The following MOBP variants were observed in gnomAD, a reference collection of about 807,000 sequenced individuals.
The protein encoded by MOBP is myelin associated oligodendrocyte basic protein.
A neutral mutation model predicts 15.0 loss-of-function variants in MOBP; 5 were observed. The observed-to-expected ratio is 0.33, with a 90% CI of 0.17 to 0.70. MOBP has a LOEUF of 0.70. MOBP is among the 30% of genes least tolerant of loss of function. The probability of loss-of-function intolerance (pLI) is 0.67; values close to 1 mark genes in which losing one functional copy is unlikely to be tolerated. For synonymous variants in MOBP, 88 were observed against 99.0 expected (o/e 0.89, Z 0.66); for missense variants, 188 against 257.8 (o/e 0.73, Z 1.85).
chr3:39,503,415 C>T (rs1051501282), downstream of MOBP, among the ~76,000 whole-genome samples: 2 of 152,120 alleles, frequency 1.3e-5, no homozygotes, highest in Admixed American at 6.5e-5. Context: ...GTGAGGAAGC[C>T]GTGTTGTTTG....
At chr3:39,496,851 T>C (rs1708009) in intron 2 of MOBP, among the ~76,000 whole-genome samples, 53,760 of 151,950 alleles carry the variant, frequency 0.35, 12,776 homozygotes, top group African/African-American at 0.68. Context: ...AAAGTAGAGA[T>C]GGGGTTTCTC....
intron 1 of MOBP, among the ~76,000 whole-genome samples, chr3:39,472,342 T>G (rs1460183561): frequency 6.6e-6 from 1 of 152,206 alleles, no homozygotes; most frequent in Non-Finnish European, 1.5e-5. Flanking sequence ...GTGAACATAT[T>G]GTGGCTTTAA....
chr3:39,507,065 C>A (rs1052288530), downstream of MOBP, among the ~76,000 whole-genome samples: 2 of 152,184 alleles, frequency 1.3e-5, no homozygotes, highest in Non-Finnish European at 2.9e-5. Flanking sequence ...CTAGGGTTCC[C>A]TACTGAGCTC....
intron 1 of MOBP, among the ~76,000 whole-genome samples, chr3:39,477,268 T>A (rs151098657): frequency 6.6e-6 from 1 of 152,096 alleles, no homozygotes; most frequent in Non-Finnish European, 1.5e-5. Flanking sequence ...AACTTTGGAT[T>A]TGGCCAAGGA....
chr3:39,485,701 G>A (rs2042695257), intron 2 of MOBP, among the ~76,000 whole-genome samples: 1 of 152,106 alleles, frequency 6.6e-6, no homozygotes, highest in African/African-American at 2.4e-5. Flanking sequence ...CACCAAGTGC[G>A]AGTCCAGTCA....
At chr3:39,508,324 T>C (rs2043073464) in intron 4 of MOBP, among the ~76,000 whole-genome samples, 1 of 152,246 alleles carries the variant, frequency 6.6e-6, no homozygotes, top group Admixed American at 6.5e-5. Context: ...CACATAGTCC[T>C]GTGACTACTG....
exon 5 of MOBP, chr3:39,515,100 C>T (rs2043183333): frequency 6.6e-6 from 1 of 151,850 alleles, no homozygotes; most frequent in African/African-American, 2.4e-5. Flanking sequence ...TCTCCAAGTC[C>T]CTGAGGAGCC....
At chr3:39,489,069 T>A (rs1410078008) in intron 2 of MOBP, among the ~76,000 whole-genome samples, 1 of 152,204 alleles carries the variant, frequency 6.6e-6, no homozygotes, top group Admixed American at 6.5e-5. Context: ...CTCACTGTGC[T>A]TCAGCCACTC....
chr3:39,470,489 G>A (rs998480272), intron 1 of MOBP, among the ~76,000 whole-genome samples: 7 of 152,166 alleles, frequency 4.6e-5, no homozygotes, highest in African/African-American at 1.7e-4. Context: ...GAATGACAGA[G>A]CCTGGAACTC....
intron 2 of MOBP, among the ~76,000 whole-genome samples, chr3:39,488,666 T>C (rs2042750736): frequency 6.6e-6 from 1 of 152,100 alleles, no homozygotes; most frequent in African/African-American, 2.4e-5. Context: ...CTTACCTTTT[T>C]CCCCCCAGCC....
At chr3:39,481,786 C>A (rs931264513) in intron 2 of MOBP, among the ~76,000 whole-genome samples, 7 of 152,236 alleles carry the variant, frequency 4.6e-5, no homozygotes, top group African/African-American at 1.7e-4. Flanking sequence ...TATTTTCTTA[C>A]CACTTAATCA....
chr3:39,512,760 C>T (rs557215988), intron 4 of MOBP, among the ~76,000 whole-genome samples: 2 of 152,288 alleles, frequency 1.3e-5, no homozygotes, highest in African/African-American at 4.8e-5. Flanking sequence ...TGCACTGAAA[C>T]TATTTGACAT....
intron 4 of MOBP, among the ~76,000 whole-genome samples, chr3:39,510,608 C>CTA (rs1422514742): frequency 6.6e-6 from 1 of 151,952 alleles, no homozygotes; most frequent in African/African-American, 2.4e-5. Flanking sequence ...TCTAATTGTT[C>CTA]ATTGCTAGTA....
At chr3:39,498,476 G>T (rs188738025) in intron 2 of MOBP, among the ~76,000 whole-genome samples, 1 of 152,018 alleles carries the variant, frequency 6.6e-6, no homozygotes, top group Admixed American at 6.5e-5. Context: ...TCAGCTGCCC[G>T]AGTAGCTGGG....
downstream of MOBP, chr3:39,503,035 T>C (rs2042998732): frequency 1.8e-6 from 1 of 551,726 alleles, no homozygotes; most frequent in Non-Finnish European, 3.2e-6. Flanking sequence ...AAATACCTAG[T>C]GTGGCTTCTG....
downstream of MOBP, among the ~76,000 whole-genome samples, chr3:39,505,172 G>T (rs1042684266): frequency 6.6e-6 from 1 of 152,104 alleles, no homozygotes; most frequent in Non-Finnish European, 1.5e-5. Context: ...GTATGTCCTG[G>T]GCCTCTTTTG....
intron 2 of MOBP, among the ~76,000 whole-genome samples, chr3:39,498,695 G>A (rs1014403736): frequency 3.9e-5 from 6 of 152,182 alleles, no homozygotes; most frequent in Admixed American, 2.6e-4. Context: ...GGAATGGCGA[G>A]GTTCTTCCAG....
chr3:39,469,117 CAT>C lies in MOBP; in HGVS notation c.-89+1383_-89+1384del, dbSNP rs1559412109. On this transcript the variant is annotated intron_variant, in intron 1 of 3. Coordinates refer to ENST00000684792, the MANE Select transcript of MOBP (RefSeq NM_001393704.1). ...ATATACATATGTGTGTGTATATATA[CAT>C]ATATACATATGTGTGTGTATATACA... 4.2e-4 allele frequency among the ~76,000 whole-genome samples: 20 copies of C among 47,444 alleles called. 5 individuals carry two copies. 31.1% of individuals were successfully genotyped at this position (47,444 alleles called of 152,430 possible). A position where few individuals can be genotyped will look rare whatever the true frequency, so the allele number is the denominator to read the frequency against.
At chr3:39,485,403 C>T (rs2042687604) in intron 2 of MOBP, among the ~76,000 whole-genome samples, 1 of 152,114 alleles carries the variant, frequency 6.6e-6, no homozygotes, top group Admixed American at 6.6e-5. Flanking sequence ...AGAGGATTAG[C>T]AAGGTTTTAG....
Sources: allele counts gnomAD v4.1 joint callset (sites outside exome capture counted in the v4.1 genomes callset), GRCh38; gene constraint gnomAD v4.1.1; transcripts MANE v1.5; gene names NCBI Gene and HGNC (gene_info 2026-07-23, HGNC 2026-07-21).